Variants in PCDHGB4 observed in about 807,000 individuals in gnomAD.
PCDHGB4 encodes protocadherin gamma subfamily B, 4, also known as protocadherin gamma-B4.
Under a neutral mutation model 60.5 loss-of-function variants are expected in PCDHGB4, and 38 were observed. The ratio of observed to expected loss-of-function variants is 0.63; its 90% CI spans 0.48 to 0.82. PCDHGB4 has a LOEUF of 0.82. Among genes scored for constraint, PCDHGB4 ranks in the 40% least tolerant of loss-of-function variants. The pLI is 0.00. For missense variants in PCDHGB4, 1,109 were observed against 1,209.6 expected, an observed-to-expected ratio of 0.92 and a Z score of 1.23; for synonymous variants, 456 against 509.7, an observed-to-expected ratio of 0.89 and a Z score of 1.42.
At chr5:141,502,946 C>T (rs900624216) in intron 2 of PCDHGB4, among the ~76,000 whole-genome samples, 13 of 145,572 alleles carry the variant, frequency 8.9e-5, no homozygotes, top group African/African-American at 2.6e-4. Flanking sequence ...TGGGTTCAAG[C>T]GATTCTCCTG....
chr5:141,439,588 T>C (rs2098121813), intron 1 of PCDHGB4, among the ~76,000 whole-genome samples: 2 of 152,200 alleles, frequency 1.3e-5, no homozygotes, highest in South Asian at 4.1e-4. Flanking sequence ...AGTGCCACTG[T>C]TGGCCAGTCT....
intron 1 of PCDHGB4, chr5:141,409,621 A>G: frequency 6.2e-7 from 1 of 1,613,852 alleles, no homozygotes; most frequent in Non-Finnish European, 8.5e-7. Context: ...CCATTGCGCA[A>G]GTGAGCGCCT....
At chr5:141,464,680 A>G (rs747974832) in intron 1 of PCDHGB4, among the ~76,000 whole-genome samples, 3 of 152,144 alleles carry the variant, frequency 2.0e-5, no homozygotes, top group Non-Finnish European at 4.4e-5. Flanking sequence ...TTTTAATTAA[A>G]ATTTCTCTTA....
chr5:141,423,877 C>G, intron 1 of PCDHGB4: 1 of 1,283,890 alleles, frequency 7.8e-7, no homozygotes, highest in South Asian at 3.4e-5. Flanking sequence ...ATTTTTCAAT[C>G]TTGGCATATT....
intron 1 of PCDHGB4, chr5:141,410,343 G>C: frequency 6.2e-7 from 1 of 1,613,964 alleles, no homozygotes; most frequent in Non-Finnish European, 8.5e-7. Flanking sequence ...ATTGCCTTGC[G>C]CCTGCGACGC....
At chr5:141,473,966 G>A (rs1268822103) in intron 1 of PCDHGB4, among the ~76,000 whole-genome samples, 3 of 152,174 alleles carry the variant, frequency 2.0e-5, no homozygotes, top group Non-Finnish European at 4.4e-5. Context: ...CTACTTAGAA[G>A]TCTGAGGCGG....
chr5:141,419,939 G>C, intron 1 of PCDHGB4: 6 of 1,614,054 alleles, frequency 3.7e-6, no homozygotes, highest in Admixed American at 1.7e-5. Flanking sequence ...TTACCTGGTG[G>C]TGGCCTTGGC....
chr5:141,488,113 T>C (rs1053996929), intron 1 of PCDHGB4, among the ~76,000 whole-genome samples: 1 of 152,084 alleles, frequency 6.6e-6, no homozygotes, highest in African/African-American at 2.4e-5. Flanking sequence ...ATTTGAAACA[T>C]AGAGACAGCA....
intron 1 of PCDHGB4, among the ~76,000 whole-genome samples, chr5:141,435,696 A>G (rs932132128): frequency 1.3e-5 from 2 of 152,204 alleles, no homozygotes; most frequent in East Asian, 1.9e-4. Context: ...TGCTTATTGT[A>G]GAGTGGTTAC....
At chr5:141,409,153 G>A in intron 1 of PCDHGB4, 1 of 1,614,026 alleles carries the variant, frequency 6.2e-7, no homozygotes. Context: ...GGTACACCAT[G>A]GAAGTGGAAG....
At chr5:141,399,728 G>A in intron 1 of PCDHGB4, 1 of 1,613,276 alleles carries the variant, frequency 6.2e-7, no homozygotes, top group East Asian at 2.2e-5. Flanking sequence ...CGCGACCAGG[G>A]CTCGCCTGCG....
At position 141,404,169 on chromosome 5, in the gene PCDHGB4, C is replaced by A; in HGVS notation, c.2397+13888C>A. On this transcript the variant is annotated intron_variant, in intron 1 of 3. Transcript: ENST00000519479. Reference sequence around the variant, plus strand: ...GAAGAAGATTATTACAGATTGTTGACGGCCCAAATTCTTGACCGAGAAAAA... The same window carrying A: ...GAAGAAGATTATTACAGATTGTTGAAGGCCCAAATTCTTGACCGAGAAAAA... 1 of 1,612,736 alleles carries A rather than the reference C, an allele frequency of 6.2e-7. No individual in the cohort carries two copies. The highest frequency in any genetic ancestry group is 8.5e-7 in the Non-Finnish European group (1 of 1,179,276).
intron 3 of PCDHGB4, among the ~76,000 whole-genome samples, chr5:141,507,861 C>T (rs538942097): frequency 7.0e-4 from 106 of 152,306 alleles, no homozygotes; most frequent in African/African-American, 2.5e-3. Flanking sequence ...CTTTCACACC[C>T]GCTTCCTAGC....
intron 1 of PCDHGB4, chr5:141,393,578 G>T: frequency 6.2e-7 from 1 of 1,613,930 alleles, no homozygotes; most frequent in Non-Finnish European, 8.5e-7. Context: ...TTGAGAACAT[G>T]CCCCCAGGCA....
intron 1 of PCDHGB4, chr5:141,427,043 G>A: frequency 2.2e-6 from 1 of 457,348 alleles, no homozygotes; most frequent in Non-Finnish European, 4.4e-6. Context: ...GAGAGAATGT[G>A]CCCCCAGGCA....
chr5:141,441,631 C>A, intron 1 of PCDHGB4: 2 of 226,308 alleles, frequency 8.8e-6, no homozygotes, highest in Non-Finnish European at 1.8e-5. Context: ...GACCTGGAGC[C>A]ACAGGCGCTG....
intron 1 of PCDHGB4, chr5:141,393,813 C>G (rs376904307): frequency 1.2e-6 from 2 of 1,613,814 alleles, no homozygotes; most frequent in Non-Finnish European, 8.5e-7. Flanking sequence ...GACCAAATTG[C>G]TCATTTCGGT....
Position 141,510,946 on chromosome 5 carries a change from GA to G in PCDHGB4, c.2547del (p.Ala850LeufsTer17). The G allele has an allele frequency of 6.2e-7, 1 of 1,614,128 alleles. No homozygotes were observed. ...LQAMILASAS[E>X]AADGSSTLGG... ...CACCTGATCTTCCTCTGTCTCTGCA[GA>G]AGCTGCTGATGGGAGCTCCACCCTG... On this transcript the variant is annotated frameshift_variant and splice_region_variant, in exon 4 of 4. Coordinates refer to ENST00000519479, the MANE Select transcript of PCDHGB4 (RefSeq NM_003736.4). LOFTEE classifies it high-confidence loss of function.
chr5:141,399,867 C>T (rs766258677), intron 1 of PCDHGB4: 17 of 1,612,738 alleles, frequency 1.1e-5, no homozygotes, highest in South Asian at 3.3e-5. Context: ...CTGCAGAGCC[C>T]GGCTACCTGG....
Sources: allele counts gnomAD v4.1 joint callset (sites outside exome capture counted in the v4.1 genomes callset), GRCh38; gene constraint gnomAD v4.1.1; transcripts MANE v1.5; gene names NCBI Gene and HGNC (gene_info 2026-07-23, HGNC 2026-07-21).